NBR1: variants seen among roughly 807,000 people sequenced by gnomAD.
NBR1 encodes NBR1 autophagy cargo receptor, also known as next to BRCA1 gene 1 protein.
Under a neutral mutation model 115.5 loss-of-function variants are expected in NBR1, and 59 were observed. The ratio of observed to expected loss-of-function variants is 0.51; its 90% CI spans 0.41 to 0.63. The LOEUF is 0.63. NBR1 is among the 30% of genes least tolerant of loss of function. NBR1 has a pLI of 0.00. For synonymous variants in NBR1, 373 were observed against 414.7 expected (o/e 0.90, Z 1.22); for missense variants, 1,043 against 1,150.5 (o/e 0.91, Z 1.35).
At chr17:43,173,835 A>T (rs952419301) in intron 1 of NBR1, among the ~76,000 whole-genome samples, 2 of 26,388 alleles carry the variant, frequency 7.6e-5, no homozygotes, top group African/African-American at 1.5e-4. Flanking sequence ...TCTGCCCCCC[A>T]CCCCCACCCC....
At chr17:43,173,486 C>A (rs1255384798) in intron 1 of NBR1, among the ~76,000 whole-genome samples, 1 of 152,168 alleles carries the variant, frequency 6.6e-6, no homozygotes, top group Non-Finnish European at 1.5e-5. Flanking sequence ...CGAGGTTTCA[C>A]CATGTTGGCT....
chr17:43,208,933 C>T (rs565393850), intron 20 of NBR1, among the ~76,000 whole-genome samples: 231 of 152,238 alleles, frequency 1.5e-3, no homozygotes, highest in African/African-American at 5.4e-3. Context: ...CACCACTGCA[C>T]ACCAGCCTGG....
intron 1 of NBR1, among the ~76,000 whole-genome samples, chr17:43,173,838 C>T (rs2056438754): frequency 6.7e-6 from 1 of 149,708 alleles, no homozygotes; most frequent in Non-Finnish European, 1.5e-5. Context: ...GCCCCCCACC[C>T]CCACCCCCGC....
At position 43,187,649 on chromosome 17, in the gene NBR1, C is replaced by T. The variant is rs189762450; in HGVS notation, c.402+1205C>T. On this transcript the variant is annotated intron_variant, in intron 6 of 20. Transcript: ENST00000590996. ...TCAGCCTCCCGAGTAGCTGGGATTA[C>T]AGGCACACACCACCACACCTGGCTA... Among the ~76,000 whole-genome samples the T allele has an allele frequency of 6.3e-4, 95 of 151,296 alleles. No homozygotes were observed. The Middle Eastern group carries it at 0.01, about 16-fold the overall frequency.
At chr17:43,206,516 G>A (rs756103702) in intron 20 of NBR1, among the ~76,000 whole-genome samples, 3 of 152,022 alleles carry the variant, frequency 2.0e-5, no homozygotes, top group Non-Finnish European at 2.9e-5. Flanking sequence ...ATTGCCGGGC[G>A]TGGTGGCACG....
chr17:43,193,731 T>TC, intron 12 of NBR1, 93 bp downstream of exon 12: 2 of 1,381,364 alleles, frequency 1.4e-6, no homozygotes, highest in Non-Finnish European at 1.9e-6. Context: ...TAGCTGGTTG[T>TC]TTTCCAGAAA....
intron 1 of NBR1, among the ~76,000 whole-genome samples, chr17:43,173,646 A>T (rs1384354232): frequency 1.3e-5 from 2 of 152,140 alleles, no homozygotes; most frequent in African/African-American, 4.8e-5. Context: ...CACATTTTTA[A>T]TTTGATCCTT....
chr17:43,175,339 A>G (rs1242965256), intron 1 of NBR1, among the ~76,000 whole-genome samples: 1 of 152,220 alleles, frequency 6.6e-6, no homozygotes, highest in Non-Finnish European at 1.5e-5. Context: ...CTGAGGGCAG[A>G]GACCTTATCT....
chr17:43,175,980 G>A (rs117218057), intron 2 of NBR1, 79 bp downstream of exon 2: 10,045 of 820,842 alleles, frequency 0.012, 124 homozygotes, highest in Middle Eastern at 0.038. Flanking sequence ...TAGCAGTGTT[G>A]TTTCATAGCT....
rs1159110040 is a variant in NBR1 at position 43,174,591 on chromosome 17, C to CT, written c.-9-1199dup. The stretch of plus-strand genomic sequence containing the variant: ...TGAGCCTGGACGACAGAACAAGACT[C>CT]TATCTCAAAATAAATAAATACAATA... On this transcript the variant is annotated intron_variant, in intron 1 of 20. Transcript: ENST00000590996. Among the ~76,000 whole-genome samples the CT allele has an allele frequency of 2.0e-5, 3 of 151,928 alleles. No individual in the cohort carries two copies. The East Asian group carries it at 5.8e-4, about 29-fold the overall frequency.
chr17:43,188,915 T>G (rs567243809), intron 6 of NBR1, 127 bp from the exon 7 acceptor site: 30 of 669,792 alleles, frequency 4.5e-5, no homozygotes, highest in African/African-American at 3.6e-4. Flanking sequence ...GCCTTCATAC[T>G]GTGACTTTTT....
intron 12 of NBR1, 135 bp downstream of exon 12, chr17:43,193,773 A>G: frequency 4.4e-6 from 4 of 910,922 alleles, no homozygotes; most frequent in Non-Finnish European, 4.9e-6. Flanking sequence ...CCCCGCCCCA[A>G]CACATCTCTA....
At chr17:43,183,857 G>T (rs1326762362) in intron 5 of NBR1, among the ~76,000 whole-genome samples, 1 of 151,536 alleles carries the variant, frequency 6.6e-6, no homozygotes, top group Admixed American at 6.6e-5. Context: ...ATAGGGCTTC[G>T]CTATGTTGGC....
chr17:43,196,849 A>G (rs1253797983), intron 15 of NBR1, 93 bp from the exon 16 acceptor site: 4 of 1,384,804 alleles, frequency 2.9e-6, no homozygotes, highest in Non-Finnish European at 3.0e-6. Flanking sequence ...GATAGCAGCT[A>G]TTCCTTGGTT....
At chr17:43,209,411 GA>G in intron 20 of NBR1, 1 of 656,806 alleles carries the variant, frequency 1.5e-6, no homozygotes, top group Non-Finnish European at 2.6e-6. Context: ...AAAAAATCAA[GA>G]AGCCTTCCCA....
chr17:43,201,538 A>T, intron 17 of NBR1, 148 bp from the exon 18 acceptor site: 1 of 620,336 alleles, frequency 1.6e-6, no homozygotes, highest in Non-Finnish European at 2.9e-6. Context: ...AGCCCTTATG[A>T]TGGAACCCTA....
intron 2 of NBR1, among the ~76,000 whole-genome samples, chr17:43,177,183 G>A (rs990320131): frequency 5.4e-5 from 8 of 148,032 alleles, no homozygotes; most frequent in African/African-American, 1.5e-4. Context: ...TGAGGTGGGC[G>A]AATTGCTTGA....
chr17:43,206,912 G>T (rs894269052), intron 20 of NBR1, among the ~76,000 whole-genome samples: 3 of 151,888 alleles, frequency 2.0e-5, no homozygotes, highest in African/African-American at 7.3e-5. Context: ...AAAATACAAA[G>T]AAATTAGCCG....
intron 14 of NBR1, 35 bp from the exon 15 acceptor site, chr17:43,196,446 T>C (rs762087271): frequency 2.3e-6 from 3 of 1,302,202 alleles, no homozygotes; most frequent in East Asian, 2.6e-5. Context: ...TGATGCTTTC[T>C]CTTGATTGAT....
Sources: allele counts gnomAD v4.1 joint callset (sites outside exome capture counted in the v4.1 genomes callset), GRCh38; gene constraint gnomAD v4.1.1; transcripts MANE v1.5; gene names NCBI Gene and HGNC (gene_info 2026-07-23, HGNC 2026-07-21).